EFNA5: variants seen among roughly 807,000 people sequenced by gnomAD.
The protein encoded by EFNA5 is ephrin-A5.
A neutral mutation model predicts 22.9 loss-of-function variants in EFNA5; 5 were observed. The ratio of observed to expected loss-of-function variants is 0.22; its 90% confidence interval spans 0.11 to 0.46. The LOEUF (loss-of-function observed/expected upper bound fraction) is 0.46, where lower values mean the gene tolerates loss of function less well. Among genes scored for constraint, EFNA5 ranks in the 20% least tolerant of loss-of-function variants. EFNA5 has a pLI of 0.99. For missense variants in EFNA5, 237 were observed against 293.3 expected, an observed-to-expected ratio of 0.81 and a Z score of 1.40; for synonymous variants, 113 against 112.2, an observed-to-expected ratio of 1.01 and a Z score of -0.04.
chr5:107,575,013 T>C (rs1245584753), intron 1 of EFNA5, among the ~76,000 whole-genome samples: 1 of 152,222 alleles, frequency 6.6e-6, no homozygotes, highest in Non-Finnish European at 1.5e-5. Flanking sequence ...CAGAGGGCAC[T>C]TGCTCTGCTT....
chr5:107,605,420 C>T (rs1406944261), intron 1 of EFNA5, among the ~76,000 whole-genome samples: 1 of 151,996 alleles, frequency 6.6e-6, no homozygotes, highest in Non-Finnish European at 1.5e-5. Context: ...ATGAATACAG[C>T]AGAAAATTGC....
chr5:107,534,015 A>C (rs1405664315), intron 1 of EFNA5, among the ~76,000 whole-genome samples: 7 of 152,184 alleles, frequency 4.6e-5, no homozygotes, highest in Non-Finnish European at 1.0e-4. Flanking sequence ...TGCTATAAAG[A>C]CTGTTAACCA....
intron 1 of EFNA5, among the ~76,000 whole-genome samples, chr5:107,583,533 C>T (rs10479400): frequency 0.27 from 41,416 of 152,016 alleles, 5,979 homozygotes; most frequent in Middle Eastern, 0.35. Flanking sequence ...TGAGTTTTTA[C>T]AGAAATGCTT....
intron 2 of EFNA5, among the ~76,000 whole-genome samples, chr5:107,419,291 A>G (rs948593376): frequency 7.9e-5 from 12 of 152,218 alleles, no homozygotes; most frequent in African/African-American, 2.7e-4. Context: ...ATGCTTTCCT[A>G]AAAAATGACT....
chr5:107,501,752 T>A (rs1409097001), intron 1 of EFNA5, among the ~76,000 whole-genome samples: 2 of 151,926 alleles, frequency 1.3e-5, no homozygotes, highest in Non-Finnish European at 2.9e-5. Flanking sequence ...GCAATTATTT[T>A]CATAACCTGA....
At chr5:107,490,615 C>G (rs1245427434) in intron 1 of EFNA5, among the ~76,000 whole-genome samples, 2 of 150,302 alleles carry the variant, frequency 1.3e-5, no homozygotes, top group East Asian at 3.8e-4. Context: ...TAGGCTACCA[C>G]CTGCACTGCA....
chr5:107,547,813 G>A (rs919713613), intron 1 of EFNA5, among the ~76,000 whole-genome samples: 3 of 152,014 alleles, frequency 2.0e-5, no homozygotes, highest in Admixed American at 6.6e-5. Flanking sequence ...GAAATTTCAC[G>A]GTAATGTAAC....
intron 1 of EFNA5, among the ~76,000 whole-genome samples, chr5:107,499,213 T>A (rs1747075787): frequency 6.6e-6 from 1 of 152,068 alleles, no homozygotes; most frequent in South Asian, 2.1e-4. Flanking sequence ...AAAGTAAACA[T>A]ACCCTCAATA....
At chr5:107,510,119 A>C (rs1438360218) in intron 1 of EFNA5, among the ~76,000 whole-genome samples, 1 of 152,242 alleles carries the variant, frequency 6.6e-6, no homozygotes, top group Non-Finnish European at 1.5e-5. Flanking sequence ...CTGATAAAAC[A>C]GCATGTGGTA....
intron 2 of EFNA5, among the ~76,000 whole-genome samples, chr5:107,411,293 T>C (rs916863864): frequency 3.9e-5 from 6 of 152,232 alleles, no homozygotes; most frequent in African/African-American, 1.2e-4. Context: ...CTGCCTATTT[T>C]GCATCACTAC....
intron 1 of EFNA5, among the ~76,000 whole-genome samples, chr5:107,654,894 T>C (rs954699187): frequency 6.6e-6 from 1 of 152,068 alleles, no homozygotes; most frequent in African/African-American, 2.4e-5. Context: ...TAGTACATTA[T>C]TTACCATATT....
At chr5:107,515,366 T>TTATTAC (rs1747455171) in intron 1 of EFNA5, among the ~76,000 whole-genome samples, 2 of 46,604 alleles carry the variant, frequency 4.3e-5, no homozygotes, top group South Asian at 1.0e-3. Context: ...TTTTATTTTA[T>TTATTAC]TATTATTATT....
chr5:107,598,002 A>G (rs1039644311), intron 1 of EFNA5, among the ~76,000 whole-genome samples: 2 of 152,222 alleles, frequency 1.3e-5, no homozygotes, highest in African/African-American at 4.8e-5. Context: ...CTATTTTTAA[A>G]TGAGATACTA....
At chr5:107,660,863 T>C (rs919871547) in intron 1 of EFNA5, among the ~76,000 whole-genome samples, 1 of 152,152 alleles carries the variant, frequency 6.6e-6, no homozygotes, top group South Asian at 2.1e-4. Context: ...GAAGCACCAC[T>C]ATTTGAACTG....
At chr5:107,439,649 C>T (rs968655044) in intron 1 of EFNA5, among the ~76,000 whole-genome samples, 10 of 152,160 alleles carry the variant, frequency 6.6e-5, no homozygotes, top group Admixed American at 6.5e-5. Context: ...CAAATGGCTG[C>T]TCTGAGGCGA....
chr5:107,516,235 C>T (rs1192934994), intron 1 of EFNA5, among the ~76,000 whole-genome samples: 3 of 148,282 alleles, frequency 2.0e-5, no homozygotes, highest in East Asian at 2.0e-4. Flanking sequence ...GACGAGTTTA[C>T]ACTATGTTGC....
chr5:107,397,879 C>T (rs895561958), intron 2 of EFNA5, among the ~76,000 whole-genome samples: 3 of 152,178 alleles, frequency 2.0e-5, no homozygotes, highest in African/African-American at 7.2e-5. Context: ...AAAGGACAGC[C>T]AATCTCAGGG....
chr5:107,481,849 C>CAAAA (rs3078574), intron 1 of EFNA5, among the ~76,000 whole-genome samples: 6 of 119,842 alleles, frequency 5.0e-5, no homozygotes, highest in African/African-American at 1.5e-4. Flanking sequence ...GACTCCATCT[C>CAAAA]AAAAAAAAAA....
intron 1 of EFNA5, among the ~76,000 whole-genome samples, chr5:107,629,182 C>A (rs998900410): frequency 7.9e-5 from 12 of 151,776 alleles, no homozygotes; most frequent in African/African-American, 1.9e-4. Context: ...TCTACACACA[C>A]AAAAAATTCA....
Sources: gnomAD v4.1 joint callset for allele counts (sites outside exome capture counted in the v4.1 genomes callset) on GRCh38, gnomAD v4.1.1 for gene constraint, MANE v1.5 for transcripts, NCBI Gene and HGNC (gene_info 2026-07-23, HGNC 2026-07-21) for gene names.